Variants in ADARB2 observed in about 807,000 individuals in gnomAD.
ADARB2 encodes inactive double-stranded RNA-specific editase B2.
A neutral mutation model predicts 62.2 loss-of-function variants in ADARB2; 25 were observed. That is an observed-to-expected ratio of 0.40 (90% confidence interval 0.29 to 0.56). The LOEUF (loss-of-function observed/expected upper bound fraction) is 0.56. Among genes scored for constraint, ADARB2 ranks in the 20% least tolerant of loss-of-function variants. ADARB2 has a pLI of 0.43. For synonymous variants in ADARB2, 572 were observed against 500.8 expected, an observed-to-expected ratio of 1.14 and a Z score of -1.90; for missense variants, 1,071 against 1,077.4, an observed-to-expected ratio of 0.99 and a Z score of 0.08.
intron 1 of ADARB2, among the ~76,000 whole-genome samples, chr10:1,610,800 G>A (rs552534673): frequency 2.1e-4 from 31 of 148,028 alleles, no homozygotes; most frequent in Non-Finnish European, 3.5e-4. Context: ...ACAGGCACAT[G>A]CACACATACA....
intron 1 of ADARB2, among the ~76,000 whole-genome samples, chr10:1,688,268 G>A (rs1359622348): frequency 2.0e-5 from 3 of 152,194 alleles, no homozygotes; most frequent in Non-Finnish European, 4.4e-5. Flanking sequence ...CAGCCTGGCT[G>A]CACCCTTGGC....
intron 1 of ADARB2, among the ~76,000 whole-genome samples, chr10:1,465,590 T>C (rs1831244327): frequency 6.6e-6 from 1 of 152,214 alleles, no homozygotes. Context: ...GGCAGGGCAA[T>C]TCCCCTGTAG....
At chr10:1,568,459 G>A (rs987265637) in intron 1 of ADARB2, among the ~76,000 whole-genome samples, 4 of 152,106 alleles carry the variant, frequency 2.6e-5, no homozygotes, top group Non-Finnish European at 2.9e-5. Context: ...ACCTGCCCAC[G>A]TGAACCCAGA....
At chr10:1,253,331 A>G (rs371781837) in intron 4 of ADARB2, among the ~76,000 whole-genome samples, 2 of 152,332 alleles carry the variant, frequency 1.3e-5, no homozygotes, top group East Asian at 1.9e-4. Context: ...TCTACTGACT[A>G]TGAAGCACAT....
intron 1 of ADARB2, among the ~76,000 whole-genome samples, chr10:1,703,726 G>C (rs1834853366): frequency 6.6e-6 from 1 of 152,222 alleles, no homozygotes; most frequent in African/African-American, 2.4e-5. Flanking sequence ...TTTTAGGTAA[G>C]AGAACCCAAT....
At chr10:1,394,888 C>G (rs1468521296) in intron 1 of ADARB2, 1 of 456,920 alleles carries the variant, frequency 2.2e-6, no homozygotes, top group Admixed American at 2.3e-5. Context: ...CTTTTCTTTT[C>G]TTTTCTTCCT....
chr10:1,690,622 G>A (rs150936354), intron 1 of ADARB2, among the ~76,000 whole-genome samples: 170 of 152,178 alleles, frequency 1.1e-3, no homozygotes, highest in Middle Eastern at 6.8e-3. Flanking sequence ...GGAAAGGAAG[G>A]CAGCCCCTGC....
chr10:1,650,002 A>C (rs1172528623), intron 1 of ADARB2, among the ~76,000 whole-genome samples: 1 of 152,190 alleles, frequency 6.6e-6, no homozygotes, highest in Non-Finnish European at 1.5e-5. Flanking sequence ...TGCGTATCAT[A>C]CCTTTTCATA....
chr10:1,337,494 T>C (rs1189355407), intron 3 of ADARB2, among the ~76,000 whole-genome samples: 1 of 152,192 alleles, frequency 6.6e-6, no homozygotes, highest in Non-Finnish European at 1.5e-5. Context: ...TCTTCCATGG[T>C]AAGGACTACA....
At chr10:1,638,728 T>C (rs1286997543) in intron 1 of ADARB2, among the ~76,000 whole-genome samples, 1 of 152,194 alleles carries the variant, frequency 6.6e-6, no homozygotes, top group Non-Finnish European at 1.5e-5. Flanking sequence ...GCTCATCTAA[T>C]AAATGGTGGT....
chr10:1,243,244 C>T (rs1325176726), intron 4 of ADARB2, among the ~76,000 whole-genome samples: 1 of 152,254 alleles, frequency 6.6e-6, no homozygotes. Context: ...CTGGCTGGGC[C>T]CGGATCGCAG....
intron 8 of ADARB2, among the ~76,000 whole-genome samples, chr10:1,192,899 C>T (rs1426410457): frequency 2.0e-5 from 3 of 152,222 alleles, no homozygotes; most frequent in Non-Finnish European, 4.4e-5. Flanking sequence ...GCCGAGATCG[C>T]GCCACTGCAT....
chr10:1,692,662 G>T (rs537339103), intron 1 of ADARB2, among the ~76,000 whole-genome samples: 4 of 152,058 alleles, frequency 2.6e-5, no homozygotes, highest in African/African-American at 9.7e-5. Flanking sequence ...TGCTAACAAG[G>T]CCTGTCTAAA....
At chr10:1,307,691 T>C (rs12260248) in intron 3 of ADARB2, among the ~76,000 whole-genome samples, 29,790 of 60,422 alleles carry the variant, frequency 0.49, 7,983 homozygotes, top group East Asian at 0.74. Context: ...AAATGTCCAA[T>C]AATGATAGAC....
At chr10:1,643,261 A>C (rs1019025427) in intron 1 of ADARB2, among the ~76,000 whole-genome samples, 8 of 152,248 alleles carry the variant, frequency 5.3e-5, no homozygotes, top group Admixed American at 3.3e-4. Flanking sequence ...GATGTTTTAC[A>C]TGAAAGGGCT....
At chr10:1,277,767 AT>A (rs1364699865) in intron 3 of ADARB2, among the ~76,000 whole-genome samples, 1 of 152,210 alleles carries the variant, frequency 6.6e-6, no homozygotes, top group African/African-American at 2.4e-5. Flanking sequence ...GGCCAGCATC[AT>A]CCTGATACCA....
chr10:1,192,657 C>A (rs529012906), intron 8 of ADARB2, among the ~76,000 whole-genome samples: 18 of 152,344 alleles, frequency 1.2e-4, no homozygotes, highest in Non-Finnish European at 2.4e-4. Flanking sequence ...GTCCTAAAAA[C>A]TTCTGTGGGT....
At chr10:1,491,517 G>A (rs981359253) in intron 1 of ADARB2, among the ~76,000 whole-genome samples, 1 of 152,150 alleles carries the variant, frequency 6.6e-6, no homozygotes, top group Non-Finnish European at 1.5e-5. Context: ...CATTTTGTCA[G>A]CTCTAGAGTC....
At chr10:1,321,371 A>G (rs1831793376) in intron 3 of ADARB2, among the ~76,000 whole-genome samples, 1 of 152,130 alleles carries the variant, frequency 6.6e-6, no homozygotes, top group South Asian at 2.1e-4. Context: ...ATACAGAAGT[A>G]TGCTACTAAC....
Sources: allele counts gnomAD v4.1 joint callset (sites outside exome capture counted in the v4.1 genomes callset), GRCh38; gene constraint gnomAD v4.1.1; transcripts MANE v1.5; gene names NCBI Gene and HGNC (gene_info 2026-07-23, HGNC 2026-07-21).